Variants in NXN observed in about 807,000 individuals in gnomAD.
NXN encodes nucleoredoxin 1.
NXN carries 16 observed loss-of-function variants against 48.6 expected under a neutral mutation model. That is an observed-to-expected ratio of 0.33 (90% CI 0.22 to 0.50). The LOEUF (loss-of-function observed/expected upper bound fraction) is 0.50. NXN is among the 20% of genes least tolerant of loss of function. NXN has a pLI of 0.98. For missense variants in NXN, 492 were observed against 605.5 expected (o/e 0.81, Z 1.97); for synonymous variants, 281 against 269.6 (o/e 1.04, Z -0.41).
intron 5 of NXN, among the ~76,000 whole-genome samples, chr17:818,682 G>A (rs1312132696): frequency 1.3e-5 from 2 of 152,134 alleles, no homozygotes; most frequent in African/African-American, 2.4e-5. Context: ...TCAAGAGATC[G>A]AGACCATCCT....
At chr17:900,261 C>T (rs937055951) in intron 1 of NXN, among the ~76,000 whole-genome samples, 5 of 125,242 alleles carry the variant, frequency 4.0e-5, no homozygotes, top group African/African-American at 1.2e-4. Flanking sequence ...ACCGAAACTC[C>T]GTCTCAAAAC....
At chr17:841,629 A>G (rs1263269203) in intron 1 of NXN, among the ~76,000 whole-genome samples, 33 of 104,834 alleles carry the variant, frequency 3.1e-4, no homozygotes, top group African/African-American at 6.7e-4. Context: ...CACACGGGCA[A>G]GCAGGTCCAC....
chr17:800,809 C>A lies in NXN; in HGVS notation c.*140G>T. 1 of 489,614 alleles carries A rather than the reference C, an allele frequency of 2.0e-6. No homozygotes were observed. Among genetic ancestry groups the A allele is most frequent in the Non-Finnish European group, 3.3e-6 (1 of 298,618 alleles). The allele number at this position is 489,614 out of a possible 1,614,324, so 30.3% of individuals were successfully genotyped here. On this transcript the variant is annotated 3_prime_UTR_variant, in exon 8 of 8. Coordinates refer to ENST00000336868, the MANE Select transcript of NXN (RefSeq NM_022463.5). ...AGGGTGCTGGCTGAGGAGTTTACTG[C>A]AGAAACAAGGCACCACAGAGAGGCT...
Position 978,069 on chromosome 17 carries a change from C to CTTT in NXN, c.360+1247_360+1249dup, listed in dbSNP as rs2069482403. On this transcript the variant is annotated intron_variant, in intron 1 of 7. Coordinates refer to ENST00000336868, the MANE Select transcript of NXN (RefSeq NM_022463.5). This position sits in a 1 kb window ranked among gnomAD's most constrained non-coding sequence, Gnocchi z 4.1. ...AGACATTTGGGGTCACAGTGTAAGC[C>CTTT]TTTTGCTCCCAGTAAATCTAAATCA... is the stretch of plus-strand genomic sequence containing the variant. 6.6e-6 allele frequency among the ~76,000 whole-genome samples: 1 copy of CTTT among 152,142 alleles called. No individual in the cohort carries two copies. The highest frequency in any genetic ancestry group is 2.4e-5 in the African/African-American group (1 of 41,436).
intron 1 of NXN, among the ~76,000 whole-genome samples, chr17:923,291 G>A (rs192698028): frequency 2.3e-4 from 35 of 152,144 alleles, no homozygotes; most frequent in Admixed American, 3.3e-4. Flanking sequence ...CCAGTGTTTC[G>A]CACAGAAAAA....
At chr17:809,951 GT>G (rs1210453713) in intron 5 of NXN, among the ~76,000 whole-genome samples, 3 of 136,608 alleles carry the variant, frequency 2.2e-5, no homozygotes, top group African/African-American at 2.6e-5. Flanking sequence ...TACGTTACGA[GT>G]CTGTGTGAGT....
At chr17:931,520 C>CA (rs2068852938) in intron 1 of NXN, among the ~76,000 whole-genome samples, 2 of 151,830 alleles carry the variant, frequency 1.3e-5, no homozygotes. Flanking sequence ...TTGTTTTCGC[C>CA]ATAAGCACAT....
chr17:857,267 T>C (rs1434659563), intron 1 of NXN, among the ~76,000 whole-genome samples: 1 of 148,944 alleles, frequency 6.7e-6, no homozygotes, highest in Non-Finnish European at 1.5e-5. Context: ...TTTTTCTTTC[T>C]TTTTTTTTTA....
intron 1 of NXN, among the ~76,000 whole-genome samples, chr17:970,213 G>A (rs1315269342): frequency 4.6e-5 from 7 of 152,116 alleles, no homozygotes; most frequent in African/African-American, 7.2e-5. Flanking sequence ...CTTCTGCCTC[G>A]TCGTGGTGCA....
At position 951,984 on chromosome 17, in the gene NXN, T is replaced by G. The variant is rs569087078; in HGVS notation, c.360+27335A>C. On this transcript the variant is annotated intron_variant, in intron 1 of 7. Transcript: ENST00000336868. Reference sequence around the variant, plus strand: ...CTGCCCTGACCTCAGTCCCCTGGAATGCAGAATTCTCCACGGTCAGCCATC... The same window carrying G: ...CTGCCCTGACCTCAGTCCCCTGGAAGGCAGAATTCTCCACGGTCAGCCATC... Among the ~76,000 whole-genome samples the G allele has an allele frequency of 3.3e-5, 5 of 152,326 alleles. No homozygotes were observed. In the South Asian group the frequency reaches 1.0e-3, roughly 32 times the overall value.
At chr17:966,166 T>C (rs1279761090) in intron 1 of NXN, among the ~76,000 whole-genome samples, 5 of 150,710 alleles carry the variant, frequency 3.3e-5, no homozygotes, top group Non-Finnish European at 7.4e-5. Flanking sequence ...TCTCGCGACA[T>C]GGTAACAGAA....
chr17:905,669 T>G (rs763599417), intron 1 of NXN, among the ~76,000 whole-genome samples: 2 of 152,168 alleles, frequency 1.3e-5, no homozygotes, highest in Admixed American at 6.6e-5. Flanking sequence ...CTTAAATTTC[T>G]TAACAGTGAA....
chr17:923,272 G>C (rs532866362), intron 1 of NXN, among the ~76,000 whole-genome samples: 16 of 152,104 alleles, frequency 1.1e-4, no homozygotes, highest in African/African-American at 3.6e-4. Flanking sequence ...CATCCACCTG[G>C]GTGCCACTCC....
intron 1 of NXN, among the ~76,000 whole-genome samples, chr17:927,407 C>T (rs12944801): frequency 0.097 from 14,693 of 151,844 alleles, 823 homozygotes; most frequent in Middle Eastern, 0.16. Context: ...TCACAAGTTC[C>T]GGACCAGCCT....
At chr17:947,688 C>T (rs2069059155) in intron 1 of NXN, among the ~76,000 whole-genome samples, 1 of 142,996 alleles carries the variant, frequency 7.0e-6, no homozygotes, top group South Asian at 2.2e-4. Context: ...AGCCGAGATC[C>T]TGCCACTGCA....
intron 1 of NXN, among the ~76,000 whole-genome samples, chr17:871,636 C>T (rs891090229): frequency 1.3e-5 from 2 of 152,008 alleles, no homozygotes; most frequent in South Asian, 2.1e-4. Context: ...AACTCCTGAC[C>T]TCAGGTGATC....
At chr17:943,674 T>G (rs926130938) in intron 1 of NXN, among the ~76,000 whole-genome samples, 2 of 151,044 alleles carry the variant, frequency 1.3e-5, no homozygotes, top group Admixed American at 1.3e-4. Context: ...ATATAAAAAT[T>G]AACCGGGCTT....
intron 1 of NXN, among the ~76,000 whole-genome samples, chr17:943,337 G>A (rs1318351574): frequency 6.6e-6 from 1 of 152,100 alleles, no homozygotes; most frequent in African/African-American, 2.4e-5. Context: ...CACCAACAGG[G>A]AAAGGAGGCT....
intron 1 of NXN, among the ~76,000 whole-genome samples, chr17:869,064 C>A (rs993666542): frequency 1.0e-3 from 155 of 152,154 alleles, no homozygotes; most frequent in Non-Finnish European, 2.0e-3. Context: ...AGATTCTACC[C>A]AAGCCTCCTG....
Sources: gnomAD v4.1 joint callset for allele counts (sites outside exome capture counted in the v4.1 genomes callset) on GRCh38, gnomAD v4.1.1 for gene constraint, Gnocchi (gnomAD v3.1) non-coding constraint, MANE v1.5 for transcripts, NCBI Gene and HGNC (gene_info 2026-07-23, HGNC 2026-07-21) for gene names.